Variants in COL23A1 observed in about 807,000 individuals in gnomAD.
The protein encoded by COL23A1 is collagen type XXIII alpha 1 chain, also known as collagen alpha-1(XXIII) chain.
In COL23A1, 97 loss-of-function variants were observed where a neutral mutation model predicts 99.3. The ratio of observed to expected loss-of-function variants is 0.98; its 90% CI spans 0.83 to 1.16. The LOEUF (loss-of-function observed/expected upper bound fraction) is 1.16, where lower values mean the gene tolerates loss of function less well. Among genes scored for constraint, COL23A1 ranks in the 50% most tolerant of loss-of-function variants. COL23A1 has a pLI of 0.00. For synonymous variants in COL23A1, 320 were observed against 308.2 expected (o/e 1.04, Z -0.40); for missense variants, 762 against 757.4 (o/e 1.01, Z -0.07).
chr5:178,238,994 A>G (rs1764251266), intron 28 of COL23A1, 147 bp downstream of exon 28: 2 of 951,092 alleles, frequency 2.1e-6, no homozygotes, highest in Non-Finnish European at 1.7e-6. Flanking sequence ...CAGGGTCATG[A>G]TGGGAAACCT....
intron 8 of COL23A1, among the ~76,000 whole-genome samples, chr5:178,263,895 G>A (rs1024518940): frequency 3.3e-5 from 5 of 152,140 alleles, no homozygotes; most frequent in East Asian, 1.9e-4. Context: ...AACAGGGCAC[G>A]ACACATGCAA....
In COL23A1 at chr5:178,344,004, T is replaced by C. The variant is rs190556706; in HGVS notation, c.362-37085A>G. Among the ~76,000 whole-genome samples, 228 of 152,268 alleles carry C rather than the reference T, an allele frequency of 1.5e-3. 4 individuals carry two copies. In the South Asian group the frequency reaches 0.036, roughly 24 times the overall value. On this transcript the variant is annotated intron_variant, in intron 2 of 28. Transcript: ENST00000390654. Reference sequence around the variant, plus strand: ...ACCATTCTGAACCCAAATTTCTCTCTTCTCCAAAAGTCCAAGACAGCTGTC... The same window carrying C: ...ACCATTCTGAACCCAAATTTCTCTCCTCTCCAAAAGTCCAAGACAGCTGTC...
At chr5:178,260,340 T>C (rs1024699753) in intron 11 of COL23A1, among the ~76,000 whole-genome samples, 1 of 152,188 alleles carries the variant, frequency 6.6e-6, no homozygotes, top group Non-Finnish European at 1.5e-5. Flanking sequence ...TGGACTATCA[T>C]TCAGTGCTAG....
rs1554129236 is a variant in COL23A1, at chr5:178,270,294, G to A, written c.468+43C>T. On this transcript the variant is annotated intron_variant, in intron 6 of 28. Transcript: ENST00000390654. ...GGTCACTCCTAGCCCCACGGTGGCA[G>A]CCCCAGCCCAGGACCCCCTGGAATT... 8 of 1,612,604 alleles carry A rather than the reference G, an allele frequency of 5.0e-6. No homozygotes were observed. In the East Asian group the frequency reaches 1.8e-4, roughly 36 times the overall value.
intron 2 of COL23A1, among the ~76,000 whole-genome samples, chr5:178,517,601 G>T (rs1262932193): frequency 5.0e-5 from 6 of 120,362 alleles, no homozygotes; most frequent in African/African-American, 6.9e-5. Context: ...TCACTCTGTC[G>T]CCCAGTCTGG....
chr5:178,477,741 C>T (rs868248934), intron 2 of COL23A1, among the ~76,000 whole-genome samples: 1 of 152,192 alleles, frequency 6.6e-6, no homozygotes, highest in South Asian at 2.1e-4. Flanking sequence ...CCGCTCTTCC[C>T]TGGAGAAGGT....
intron 3 of COL23A1, among the ~76,000 whole-genome samples, chr5:178,290,711 G>A (rs1292260911): frequency 6.6e-6 from 1 of 152,228 alleles, no homozygotes; most frequent in African/African-American, 2.4e-5. Flanking sequence ...GTGCTCCTGA[G>A]GGGATGGTTT....
chr5:178,330,851 A>C (rs927598581), intron 2 of COL23A1, among the ~76,000 whole-genome samples: 1 of 151,762 alleles, frequency 6.6e-6, no homozygotes, highest in African/African-American at 2.4e-5. Context: ...AGCCCTGCCC[A>C]CTCCCCAGCC....
At chr5:178,493,201 C>G (rs560563498) in intron 2 of COL23A1, among the ~76,000 whole-genome samples, 1 of 152,310 alleles carries the variant, frequency 6.6e-6, no homozygotes, top group East Asian at 1.9e-4. Context: ...TTCTGTGGAT[C>G]TGGGAGCCCA....
chr5:178,343,368 T>A (rs943516359), intron 2 of COL23A1, among the ~76,000 whole-genome samples: 1 of 152,166 alleles, frequency 6.6e-6, no homozygotes, highest in Non-Finnish European at 1.5e-5. Context: ...ATGGATAACA[T>A]TTTTATTTAT....
At position 178,434,413 on chromosome 5, in the gene COL23A1, C is replaced by T. The variant is rs1766437963; in HGVS notation, c.361+126269G>A. Among the ~76,000 whole-genome samples, 1 of 152,226 alleles carries T rather than the reference C, an allele frequency of 6.6e-6. No homozygotes were observed. Among genetic ancestry groups the T allele is most frequent in the Non-Finnish European group, 1.5e-5 (1 of 68,036 alleles). On this transcript the variant is annotated intron_variant, in intron 2 of 28. Coordinates refer to ENST00000390654, the MANE Select transcript of COL23A1 (RefSeq NM_173465.4). This position sits in a 1 kb window ranked among gnomAD's most constrained non-coding sequence, Gnocchi z 4.3. ...CAGCACGGTGGCCTCGGGCAAAATG[C>T]CTGGACCAGGACTTGGACATTGGGC...
At chr5:178,332,189 G>C (rs185910596) in intron 2 of COL23A1, among the ~76,000 whole-genome samples, 1 of 152,188 alleles carries the variant, frequency 6.6e-6, no homozygotes, top group Non-Finnish European at 1.5e-5. Context: ...TGGAGTGGTC[G>C]TCTGCAGCTT....
intron 1 of COL23A1, among the ~76,000 whole-genome samples, chr5:178,578,613 T>C (rs984718005): frequency 3.3e-5 from 5 of 152,174 alleles, no homozygotes; most frequent in African/African-American, 9.7e-5. Context: ...TGGAAACAAA[T>C]TCCATTTTAG....
At chr5:178,564,696 TC>T (rs1257387892) in intron 1 of COL23A1, among the ~76,000 whole-genome samples, 1 of 152,128 alleles carries the variant, frequency 6.6e-6, no homozygotes, top group Non-Finnish European at 1.5e-5. Context: ...ATCAGGGAAA[TC>T]CTGGTTTTTA....
intron 2 of COL23A1, among the ~76,000 whole-genome samples, chr5:178,320,943 C>A (rs945192127): frequency 3.3e-5 from 5 of 152,216 alleles, no homozygotes; most frequent in Non-Finnish European, 5.9e-5. Context: ...GCAGGCTGTG[C>A]GCTCAGCCAT....
chr5:178,249,337 G>C, intron 18 of COL23A1, 131 bp from the exon 19 acceptor site: 2 of 857,274 alleles, frequency 2.3e-6, no homozygotes, highest in South Asian at 1.5e-5. Flanking sequence ...TCCAGCCACA[G>C]TGGCTGGGAG....
intron 2 of COL23A1, among the ~76,000 whole-genome samples, chr5:178,367,875 G>T (rs970642263): frequency 6.6e-6 from 1 of 152,252 alleles, no homozygotes; most frequent in Non-Finnish European, 1.5e-5. Context: ...TGGGTCAGGC[G>T]CTGTGGAGAG....
chr5:178,554,794 C>A (rs1449087829), intron 2 of COL23A1, among the ~76,000 whole-genome samples: 1 of 152,000 alleles, frequency 6.6e-6, no homozygotes, highest in Non-Finnish European at 1.5e-5. Flanking sequence ...AGGAGAGGCA[C>A]CTGCCCCAAG....
intron 2 of COL23A1, among the ~76,000 whole-genome samples, chr5:178,374,891 T>C (rs1762989326): frequency 6.6e-6 from 1 of 152,174 alleles, no homozygotes; most frequent in Admixed American, 6.5e-5. Context: ...GTCAAATTAT[T>C]GAATAACCCC....
Sources: gnomAD v4.1 joint callset for allele counts (sites outside exome capture counted in the v4.1 genomes callset) on GRCh38, gnomAD v4.1.1 for gene constraint, Gnocchi (gnomAD v3.1) non-coding constraint, MANE v1.5 for transcripts, NCBI Gene and HGNC (gene_info 2026-07-23, HGNC 2026-07-21) for gene names.